Variants in TMEM132B observed in about 807,000 individuals in gnomAD.
TMEM132B encodes transmembrane protein 132B.
Under a neutral mutation model 90.8 loss-of-function variants are expected in TMEM132B, and 18 were observed. The observed-to-expected ratio is 0.20, with a 90% CI of 0.14 to 0.29. The LOEUF (loss-of-function observed/expected upper bound fraction) is 0.29. TMEM132B is among the 10% of genes least tolerant of loss of function. The pLI, the probability that TMEM132B is intolerant of heterozygous loss-of-function variation, is 1.00. For synonymous variants in TMEM132B, 504 were observed against 523.3 expected, an observed-to-expected ratio of 0.96 and a Z score of 0.50; for missense variants, 1,096 against 1,326.8, an observed-to-expected ratio of 0.83 and a Z score of 2.70.
At chr12:125,518,708 T>TATG (rs1336085833) in intron 3 of TMEM132B, among the ~76,000 whole-genome samples, 1 of 152,234 alleles carries the variant, frequency 6.6e-6, no homozygotes, top group Non-Finnish European at 1.5e-5. Flanking sequence ...CTTTTTCAGT[T>TATG]ATGAAGAATT....
chr12:125,245,502 G>A (rs2136097284), intron 1 of TMEM132B, among the ~76,000 whole-genome samples: 1 of 152,198 alleles, frequency 6.6e-6, no homozygotes, highest in South Asian at 2.1e-4. Context: ...ATTGCCCTCT[G>A]ACTCCTGAGA....
At chr12:125,308,095 C>T (rs117504286) in intron 1 of TMEM132B, among the ~76,000 whole-genome samples, 11,153 of 83,888 alleles carry the variant, frequency 0.13, 529 homozygotes, top group Non-Finnish European at 0.16. Context: ...TATATACTTA[C>T]AATACAAGTA....
chr12:125,188,487 G>A (rs1355258772), intron 1 of TMEM132B, among the ~76,000 whole-genome samples: 1 of 152,180 alleles, frequency 6.6e-6, no homozygotes, highest in Non-Finnish European at 1.5e-5. Context: ...GTCTCTCAGA[G>A]AAGCTGCCTG....
rs1487617880 is a variant in TMEM132B, at chr12:125,657,271, G to C, written c.*2561G>C. On this transcript the variant is annotated 3_prime_UTR_variant, in exon 9 of 9. Coordinates refer to ENST00000682704, the MANE Select transcript of TMEM132B (RefSeq NM_001366854.1). Reference sequence around the variant, plus strand: ...AACAATCAAATGGAAGGCCATGGGGGAAGGGTTCCTTCCACCATATAACCC... The same window carrying C: ...AACAATCAAATGGAAGGCCATGGGGCAAGGGTTCCTTCCACCATATAACCC... 6.6e-6 allele frequency: 1 copy of C among 152,054 alleles called. No individual in the cohort carries two copies. The highest frequency in any genetic ancestry group is 1.5e-5 in the Non-Finnish European group (1 of 68,026). The allele number at this position is 152,054 out of a possible 1,614,324, so 9.4% of individuals were successfully genotyped here. A position where few individuals can be genotyped will look rare whatever the true frequency, so the allele number is the denominator to read the frequency against.
rs1490762644 is a variant in TMEM132B, at chr12:125,213,594, G to C, written c.67+26728G>C. On this transcript the variant is annotated intron_variant, in intron 1 of 8. Transcript: ENST00000682704. The surrounding 1 kb of genome is among the most constrained non-coding windows in gnomAD (Gnocchi z 4.2). Reference sequence around the variant, plus strand: ...CTCTCTGGCTTCTGATTCAGTGATGGCTTCTCCAGCCTAGACCTTCTCTAT... The same window carrying C: ...CTCTCTGGCTTCTGATTCAGTGATGCCTTCTCCAGCCTAGACCTTCTCTAT... 1.3e-5 allele frequency among the ~76,000 whole-genome samples: 2 copies of C among 152,210 alleles called. No individual in the cohort carries two copies. Among genetic ancestry groups the C allele is most frequent in the African/African-American group, 4.8e-5 (2 of 41,452 alleles).
At chr12:125,630,218 A>G (rs1174006827) in intron 5 of TMEM132B, among the ~76,000 whole-genome samples, 1 of 151,948 alleles carries the variant, frequency 6.6e-6, no homozygotes, top group East Asian at 1.9e-4. Flanking sequence ...ATTGGTATTA[A>G]TTCTTCTTTA....
intron 7 of TMEM132B, among the ~76,000 whole-genome samples, chr12:125,651,678 A>T (rs1368898461): frequency 6.6e-6 from 1 of 152,302 alleles, no homozygotes; most frequent in East Asian, 1.9e-4. Context: ...CAGGTCAGGC[A>T]TCTGTGTGGG....
At chr12:125,253,654 A>G (rs144384344) in intron 1 of TMEM132B, among the ~76,000 whole-genome samples, 64 of 152,158 alleles carry the variant, frequency 4.2e-4, no homozygotes, top group African/African-American at 1.4e-3. Flanking sequence ...GGCTGGTCTC[A>G]AACTCCTGAG....
At chr12:125,339,677 C>G (rs1877109302) in intron 1 of TMEM132B, among the ~76,000 whole-genome samples, 1 of 151,968 alleles carries the variant, frequency 6.6e-6, no homozygotes, top group Non-Finnish European at 1.5e-5. Context: ...GTGGTGTGTC[C>G]TGAGAGGGAT....
chr12:125,564,551 TAGAC>T (rs1182966371), intron 4 of TMEM132B, among the ~76,000 whole-genome samples: 2 of 152,224 alleles, frequency 1.3e-5, no homozygotes, highest in Non-Finnish European at 2.9e-5. Context: ...GCTTCTTAAT[TAGAC>T]AAGCTCTTCT....
At chr12:125,370,271 A>G (rs1332597322) in intron 2 of TMEM132B, among the ~76,000 whole-genome samples, 7 of 152,168 alleles carry the variant, frequency 4.6e-5, no homozygotes, top group Admixed American at 3.9e-4. Context: ...ATGTTAGAGT[A>G]TCAAGGATTT....
intron 7 of TMEM132B, among the ~76,000 whole-genome samples, chr12:125,652,174 G>A (rs1056756228): frequency 6.6e-6 from 1 of 152,192 alleles, no homozygotes; most frequent in Non-Finnish European, 1.5e-5. Flanking sequence ...ATTATTGCCT[G>A]TAAGTTAAAT....
At chr12:125,250,165 C>G (rs934856987) in intron 1 of TMEM132B, among the ~76,000 whole-genome samples, 1 of 152,248 alleles carries the variant, frequency 6.6e-6, no homozygotes, top group Non-Finnish European at 1.5e-5. Context: ...AAAAGGCCCA[C>G]ATTGTGGGGG....
intron 5 of TMEM132B, among the ~76,000 whole-genome samples, chr12:125,627,557 C>T (rs1414812149): frequency 6.6e-6 from 1 of 151,612 alleles, no homozygotes; most frequent in Non-Finnish European, 1.5e-5. Context: ...TTTTATGGTA[C>T]ATATTTATAG....
At chr12:125,557,399 T>A (rs575476116) in intron 4 of TMEM132B, among the ~76,000 whole-genome samples, 1 of 152,298 alleles carries the variant, frequency 6.6e-6, no homozygotes, top group East Asian at 1.9e-4. Flanking sequence ...TCCTGCAATC[T>A]GAACAAATGG....
At chr12:125,555,723 T>TAG (rs1566072514) in intron 4 of TMEM132B, among the ~76,000 whole-genome samples, 1 of 143,826 alleles carries the variant, frequency 7.0e-6, no homozygotes. Flanking sequence ...TAAAAAAAAA[T>TAG]ATATATATAT....
chr12:125,650,861 A>G lies in TMEM132B; in HGVS notation c.1822A>G (p.Thr608Ala), dbSNP rs1886892527. The G allele has an allele frequency of 6.2e-7, 1 of 1,613,938 alleles. No homozygotes were observed. Among genetic ancestry groups the G allele is most frequent in the Non-Finnish European group, 8.5e-7 (1 of 1,180,032 alleles). ...GCAGTTTGACATCACTGACCTTGTG[A>G]CCGAGTTCATGAAGGTGGAGGAGCC... ...DWQFDITDLVTEFMKVEEPKI... is the reference protein window; with the variant it reads ...DWQFDITDLVAEFMKVEEPKI... The change falls in exon 7 of 9, where the codon ACC (threonine) becomes GCC (alanine). Residue 608 changes from threonine to alanine, a missense_variant. Thr to Ala is a moderately conservative substitution (Grantham distance 58). Coordinates refer to ENST00000682704, the MANE Select transcript of TMEM132B (RefSeq NM_001366854.1).
chr12:125,484,755 A>T (rs1010966095), intron 3 of TMEM132B, among the ~76,000 whole-genome samples: 3 of 152,002 alleles, frequency 2.0e-5, no homozygotes, highest in Non-Finnish European at 4.4e-5. Context: ...CTCAGCCTCC[A>T]TGCCCAGCTA....
intron 1 of TMEM132B, among the ~76,000 whole-genome samples, chr12:125,234,951 A>C (rs1385092523): frequency 1.3e-5 from 2 of 152,202 alleles, no homozygotes; most frequent in Non-Finnish European, 2.9e-5. Flanking sequence ...TTGAACTGAC[A>C]GATCTCTTTC....
Sources: allele counts gnomAD v4.1 joint callset (sites outside exome capture counted in the v4.1 genomes callset), GRCh38; gene constraint gnomAD v4.1.1; non-coding constraint Gnocchi (gnomAD v3.1); transcripts MANE v1.5; gene names NCBI Gene and HGNC (gene_info 2026-07-23, HGNC 2026-07-21).